CAMTA1: variants seen among roughly 807,000 people sequenced by gnomAD.
CAMTA1 encodes the protein calmodulin binding transcription activator 1.
In CAMTA1, 27 loss-of-function variants were observed where a neutral mutation model predicts 170.9. The observed-to-expected ratio is 0.16, with a 90% CI of 0.12 to 0.22. CAMTA1 has a LOEUF of 0.22. CAMTA1 is among the 10% of genes least tolerant of loss of function. CAMTA1 has a pLI of 1.00. For synonymous variants in CAMTA1, 833 were observed against 891.5 expected (o/e 0.93, Z 1.17); for missense variants, 1,619 against 2,217.2 (o/e 0.73, Z 5.42).
intron 3 of CAMTA1, among the ~76,000 whole-genome samples, chr1:7,066,582 G>C (rs1239478380): frequency 2.0e-5 from 3 of 152,214 alleles, no homozygotes; most frequent in African/African-American, 7.2e-5. Context: ...GATGGATTTG[G>C]TAGAACTTGC....
Position 7,255,978 on chromosome 1 carries a change from G to C in CAMTA1, c.438+6352G>C, listed in dbSNP as rs148579866. ...TGTCTTAGTCTCATGACCGTTTCTA[G>C]TACAGGGAGCGTCTGTTCAGGGGCA... On this transcript the variant is annotated intron_variant, in intron 5 of 22. Transcript: ENST00000303635. Among the ~76,000 whole-genome samples, 762 of 152,308 alleles carry C rather than the reference G, an allele frequency of 5.0e-3. 14 individuals are homozygous for C. The highest frequency in any genetic ancestry group is 0.039 in the Admixed American group (593 of 15,296).
chr1:6,921,233 C>T (rs1013943687), intron 3 of CAMTA1, among the ~76,000 whole-genome samples: 3 of 152,222 alleles, frequency 2.0e-5, no homozygotes, highest in Non-Finnish European at 4.4e-5. Flanking sequence ...ATCTCTAGGG[C>T]AGGGGCAAAA....
intron 3 of CAMTA1, among the ~76,000 whole-genome samples, chr1:6,851,159 T>TA (rs1383246867): frequency 2.0e-5 from 3 of 152,082 alleles, no homozygotes; most frequent in Non-Finnish European, 2.9e-5. Flanking sequence ...GTGAAGTTAT[T>TA]AGAAAAGGGT....
At position 7,248,911 on chromosome 1, in the gene CAMTA1, T is replaced by G. The variant is rs1475318894; in HGVS notation, c.303-580T>G. Among the ~76,000 whole-genome samples the G allele has an allele frequency of 2.0e-5, 3 of 152,162 alleles. No homozygotes were observed. The highest frequency in any genetic ancestry group is 4.4e-5 in the Non-Finnish European group (3 of 68,022). On this transcript the variant is annotated intron_variant, in intron 4 of 22. Transcript: ENST00000303635. The surrounding 1 kb of genome is among the most constrained non-coding windows in gnomAD (Gnocchi z 4.0). ...GCCTAAATGGGAAAGAATCGGGTAC[T>G]TAGCTTGCTTGAGAAGCAAGACCGC... is the stretch of plus-strand genomic sequence containing the variant.
chr1:7,406,566 A>G (rs2090303765), intron 5 of CAMTA1, among the ~76,000 whole-genome samples: 1 of 152,152 alleles, frequency 6.6e-6, no homozygotes, highest in Admixed American at 6.5e-5. Context: ...GTGTACACAC[A>G]CATGCACAGG....
intron 6 of CAMTA1, among the ~76,000 whole-genome samples, chr1:7,551,579 C>G (rs1357842919): frequency 1.3e-5 from 2 of 152,206 alleles, no homozygotes; most frequent in African/African-American, 4.8e-5. Context: ...AGCCCCCTCC[C>G]CTACTGGGGA....
At chr1:7,734,608 T>C (rs1270279325) in intron 12 of CAMTA1, among the ~76,000 whole-genome samples, 1 of 152,138 alleles carries the variant, frequency 6.6e-6, no homozygotes, top group Non-Finnish European at 1.5e-5. Context: ...GTGTCTTGTG[T>C]GTGTAGAATG....
At chr1:7,004,030 G>A (rs1698624181) in intron 3 of CAMTA1, among the ~76,000 whole-genome samples, 1 of 152,184 alleles carries the variant, frequency 6.6e-6, no homozygotes, top group African/African-American at 2.4e-5. Flanking sequence ...ACAAGAACGC[G>A]TTTGGTTATG....
intron 11 of CAMTA1, among the ~76,000 whole-genome samples, chr1:7,709,748 G>T (rs969357932): frequency 1.3e-5 from 2 of 152,216 alleles, no homozygotes; most frequent in African/African-American, 4.8e-5. Context: ...CACTCAGTGA[G>T]AAACCTTATG....
chr1:7,188,733 C>T (rs1338299121), intron 4 of CAMTA1, among the ~76,000 whole-genome samples: 1 of 152,156 alleles, frequency 6.6e-6, no homozygotes, highest in Admixed American at 6.5e-5. Context: ...GAGTTGTTCT[C>T]TACCTTTTGG....
At chr1:7,720,718 T>C (rs1463653941) in intron 11 of CAMTA1, among the ~76,000 whole-genome samples, 1 of 152,202 alleles carries the variant, frequency 6.6e-6, no homozygotes, top group East Asian at 1.9e-4. Context: ...TCAGTGGCTA[T>C]AGAAAAGTGA....
intron 5 of CAMTA1, among the ~76,000 whole-genome samples, chr1:7,263,086 G>A (rs1052466100): frequency 2.0e-5 from 3 of 151,620 alleles, no homozygotes; most frequent in Non-Finnish European, 4.4e-5. Flanking sequence ...TATTTTGGCC[G>A]CATTTTTTTT....
intron 4 of CAMTA1, among the ~76,000 whole-genome samples, chr1:7,141,705 C>T (rs896598614): frequency 6.6e-6 from 1 of 152,180 alleles, no homozygotes; most frequent in African/African-American, 2.4e-5. Flanking sequence ...TAAATATTAG[C>T]TATTATTGAG....
chr1:7,365,231 CG>C (rs1313600942), intron 5 of CAMTA1, among the ~76,000 whole-genome samples: 2 of 127,840 alleles, frequency 1.6e-5, no homozygotes, highest in Admixed American at 7.5e-5. Context: ...CTGGTGGCTG[CG>C]CTGTGGATGG....
At chr1:6,906,819 GTTA>G (rs538415994) in intron 3 of CAMTA1, among the ~76,000 whole-genome samples, 99 of 152,308 alleles carry the variant, frequency 6.5e-4, no homozygotes, top group African/African-American at 2.0e-3. Context: ...TTCTCATGTA[GTTA>G]TTATTTGCCT....
chr1:7,492,197 C>T (rs901983243), intron 6 of CAMTA1, among the ~76,000 whole-genome samples: 5 of 152,112 alleles, frequency 3.3e-5, no homozygotes, highest in Non-Finnish European at 4.4e-5. Flanking sequence ...TCATCCTCTG[C>T]GAGGAAGGCC....
At chr1:7,156,580 C>T (rs997137951) in intron 4 of CAMTA1, among the ~76,000 whole-genome samples, 3 of 152,328 alleles carry the variant, frequency 2.0e-5, no homozygotes, top group Non-Finnish European at 4.4e-5. Context: ...AGCCACACGC[C>T]CTGGTGAATA....
At chr1:7,237,085 C>T (rs747838831) in intron 4 of CAMTA1, among the ~76,000 whole-genome samples, 3 of 152,098 alleles carry the variant, frequency 2.0e-5, no homozygotes, top group African/African-American at 7.2e-5. Context: ...GTGGCAGGAG[C>T]GATAGGACCA....
At chr1:6,958,912 C>T (rs985894080) in intron 3 of CAMTA1, among the ~76,000 whole-genome samples, 2 of 152,090 alleles carry the variant, frequency 1.3e-5, no homozygotes, top group Non-Finnish European at 2.9e-5. Context: ...TGGCAGGCTT[C>T]GCACACGTAA....
Sources: gnomAD v4.1 joint callset for allele counts (sites outside exome capture counted in the v4.1 genomes callset) on GRCh38, gnomAD v4.1.1 for gene constraint, Gnocchi (gnomAD v3.1) non-coding constraint, MANE v1.5 for transcripts, NCBI Gene and HGNC (gene_info 2026-07-23, HGNC 2026-07-21) for gene names.